CCSER1: variants seen among roughly 807,000 people sequenced by gnomAD.
CCSER1 encodes serine-rich coiled-coil domain-containing protein 1.
CCSER1 carries 41 observed loss-of-function variants against 82.0 expected under a neutral mutation model. That is an observed-to-expected ratio of 0.50 (90% CI 0.39 to 0.65). The LOEUF (loss-of-function observed/expected upper bound fraction) is 0.65. CCSER1 is among the 30% of genes least tolerant of loss of function. The pLI is 0.00. For missense variants in CCSER1, 1,119 were observed against 1,064.2 expected, an observed-to-expected ratio of 1.05 and a Z score of -0.72; for synonymous variants, 414 against 383.9, an observed-to-expected ratio of 1.08 and a Z score of -0.92.
At chr4:90,488,329 A>G (rs1187322017) in intron 5 of CCSER1, among the ~76,000 whole-genome samples, 1 of 152,010 alleles carries the variant, frequency 6.6e-6, no homozygotes, top group African/African-American at 2.4e-5. Context: ...CTGGGACTAC[A>G]GGCACCCACC....
chr4:90,810,107 A>G (rs931501566), intron 7 of CCSER1, among the ~76,000 whole-genome samples: 3 of 152,020 alleles, frequency 2.0e-5, no homozygotes, highest in African/African-American at 7.3e-5. Context: ...ATTGTATTGG[A>G]AAAAAACATG....
At chr4:91,228,378 A>ATT (rs1259337550) in intron 10 of CCSER1, among the ~76,000 whole-genome samples, 1 of 152,054 alleles carries the variant, frequency 6.6e-6, no homozygotes, top group Non-Finnish European at 1.5e-5. Context: ...ATACACATAA[A>ATT]TACTAAAAAA....
intron 10 of CCSER1, among the ~76,000 whole-genome samples, chr4:91,258,501 T>C (rs1740865319): frequency 1.3e-5 from 2 of 152,084 alleles, no homozygotes; most frequent in African/African-American, 2.4e-5. Flanking sequence ...AGTGTCAATA[T>C]TTCATAACCT....
chr4:90,339,230 C>A (rs569740678), intron 3 of CCSER1, among the ~76,000 whole-genome samples: 2 of 152,218 alleles, frequency 1.3e-5, no homozygotes, highest in African/African-American at 4.8e-5. Flanking sequence ...TTCCCAAATT[C>A]TTTTGTCATA....
chr4:90,542,419 C>T (rs1776222379), intron 5 of CCSER1, among the ~76,000 whole-genome samples: 1 of 152,022 alleles, frequency 6.6e-6, no homozygotes, highest in Admixed American at 6.6e-5. Context: ...AGATGTTATT[C>T]TTTTTCTGTT....
chr4:90,927,888 GT>G (rs1729258958), intron 9 of CCSER1, among the ~76,000 whole-genome samples: 1 of 151,958 alleles, frequency 6.6e-6, no homozygotes, highest in Admixed American at 6.6e-5. Context: ...TTTTGTGCTT[GT>G]GCTAATGTAT....
At chr4:90,339,293 G>T (rs1740956071) in intron 3 of CCSER1, among the ~76,000 whole-genome samples, 1 of 152,078 alleles carries the variant, frequency 6.6e-6, no homozygotes, top group Non-Finnish European at 1.5e-5. Flanking sequence ...CCATATGTCG[G>T]GGTGGCCTCT....
At chr4:91,538,435 C>T (rs141510859) in intron 10 of CCSER1, among the ~76,000 whole-genome samples, 24 of 150,650 alleles carry the variant, frequency 1.6e-4, no homozygotes, top group African/African-American at 5.6e-4. Flanking sequence ...TCTTCATGAC[C>T]AAAAAAATAA....
At chr4:90,278,798 CA>C (rs1728384106) in intron 1 of CCSER1, among the ~76,000 whole-genome samples, 1 of 152,012 alleles carries the variant, frequency 6.6e-6, no homozygotes, top group African/African-American at 2.4e-5. Flanking sequence ...ACCTTTGGAA[CA>C]AACCTGCACA....
At chr4:91,590,173 A>G (rs1259317337) in intron 10 of CCSER1, among the ~76,000 whole-genome samples, 1 of 152,010 alleles carries the variant, frequency 6.6e-6, no homozygotes, top group Non-Finnish European at 1.5e-5. Flanking sequence ...TTTGTGTCCT[A>G]AATGCCCACC....
chr4:90,740,228 A>G (rs980284525), intron 7 of CCSER1, among the ~76,000 whole-genome samples: 2 of 152,174 alleles, frequency 1.3e-5, no homozygotes, highest in Non-Finnish European at 2.9e-5. Flanking sequence ...CTACCAAACA[A>G]GACTTTATAT....
rs1729079791 is a variant in CCSER1, at chr4:90,926,499, G to GT, written c.2172+3052_2172+3053insT. ...CTTAAGATAAGAAATAGAATTCCCA[G>GT]AAAACATTAATTATAATAAAATCTA... On this transcript the variant is annotated intron_variant, in intron 9 of 10. Coordinates refer to ENST00000509176, the MANE Select transcript of CCSER1 (RefSeq NM_001145065.2). 2.6e-5 allele frequency among the ~76,000 whole-genome samples: 4 copies of GT among 151,884 alleles called. No homozygotes were observed. In the South Asian group the frequency reaches 8.3e-4, roughly 31 times the overall value.
chr4:90,811,981 T>TATAAACACACACACACACAC (rs1554019014), intron 7 of CCSER1, among the ~76,000 whole-genome samples: 23 of 124,270 alleles, frequency 1.9e-4, no homozygotes, highest in East Asian at 4.7e-4. Flanking sequence ...TATATATATA[T>TATAAACACACACACACACAC]ATATATATAA....
At chr4:90,408,150 G>T (rs989276106) in intron 4 of CCSER1, among the ~76,000 whole-genome samples, 4 of 152,326 alleles carry the variant, frequency 2.6e-5, no homozygotes, top group African/African-American at 7.2e-5. Flanking sequence ...CTCGAACTAG[G>T]TAGAGTCCAC....
intron 5 of CCSER1, among the ~76,000 whole-genome samples, chr4:90,533,084 G>GTTTTTTTTT (rs59215370): frequency 1.1e-5 from 1 of 88,994 alleles, no homozygotes; most frequent in Non-Finnish European, 2.0e-5. Flanking sequence ...ATTTCTGTGG[G>GTTTTTTTTT]TTTTTTTTTT....
At chr4:91,558,797 G>C (rs1422275269) in intron 10 of CCSER1, among the ~76,000 whole-genome samples, 1 of 151,502 alleles carries the variant, frequency 6.6e-6, no homozygotes, top group Non-Finnish European at 1.5e-5. Context: ...ACATCCCCCT[G>C]GGTCCCTCCC....
chr4:90,948,390 G>C (rs1382452518), intron 9 of CCSER1, among the ~76,000 whole-genome samples: 1 of 151,696 alleles, frequency 6.6e-6, no homozygotes, highest in Non-Finnish European at 1.5e-5. Flanking sequence ...AATTATTGAA[G>C]CTGGAAGAGA....
intron 5 of CCSER1, among the ~76,000 whole-genome samples, chr4:90,516,720 G>A (rs896557484): frequency 6.6e-6 from 1 of 152,026 alleles, no homozygotes; most frequent in Non-Finnish European, 1.5e-5. Flanking sequence ...AGAGCGCAAG[G>A]TCAAAGAGGT....
intron 1 of CCSER1, among the ~76,000 whole-genome samples, chr4:90,138,922 C>G (rs76767924): frequency 3.2e-3 from 491 of 152,232 alleles, no homozygotes; most frequent in African/African-American, 0.011. Flanking sequence ...TGTCAGAATT[C>G]TTTCATTCAG....
Sources: allele counts gnomAD v4.1 joint callset (sites outside exome capture counted in the v4.1 genomes callset), GRCh38; gene constraint gnomAD v4.1.1; transcripts MANE v1.5; gene names NCBI Gene and HGNC (gene_info 2026-07-23, HGNC 2026-07-21).